The following CDK6 variants were observed in gnomAD, a reference collection of about 807,000 sequenced individuals.
CDK6 encodes the protein cyclin dependent kinase 6.
Under a neutral mutation model 37.1 loss-of-function variants are expected in CDK6, and 6 were observed. The ratio of observed to expected loss-of-function variants is 0.16; its 90% CI spans 0.09 to 0.32. CDK6 has a LOEUF of 0.32. Ranked by LOEUF, CDK6 falls within the 10% of genes least tolerant of loss-of-function variation. The pLI, the probability that CDK6 is intolerant of heterozygous loss-of-function variation, is 1.00. For synonymous variants in CDK6, 160 were observed against 161.3 expected (o/e 0.99, Z 0.06); for missense variants, 224 against 418.9 (o/e 0.53, Z 4.06).
At chr7:92,666,166 A>G (rs929902829) in intron 5 of CDK6, among the ~76,000 whole-genome samples, 1 of 152,240 alleles carries the variant, frequency 6.6e-6, no homozygotes, top group Non-Finnish European at 1.5e-5. Flanking sequence ...CGACCTCTAA[A>G]GAAGGTTAAT....
At chr7:92,722,913 A>G (rs55686222) in intron 4 of CDK6, among the ~76,000 whole-genome samples, 2,263 of 152,322 alleles carry the variant, frequency 0.015, 58 homozygotes, top group African/African-American at 0.052. Context: ...GGCTGGGCAC[A>G]GTGGCTTATG....
intron 7 of CDK6, 109 bp from the exon 8 acceptor site, chr7:92,615,395 G>T: frequency 1.2e-6 from 1 of 822,000 alleles, no homozygotes; most frequent in Non-Finnish European, 2.0e-6. Context: ...CATCTACAGT[G>T]GGAATGAGTA....
At chr7:92,640,310 C>T (rs890176087) in intron 5 of CDK6, among the ~76,000 whole-genome samples, 1 of 152,166 alleles carries the variant, frequency 6.6e-6, no homozygotes, top group Non-Finnish European at 1.5e-5. Context: ...ATGTTCAATG[C>T]TAGCCTATCA....
intron 3 of CDK6, among the ~76,000 whole-genome samples, chr7:92,771,361 C>A (rs188987370): frequency 6.7e-6 from 1 of 148,848 alleles, no homozygotes; most frequent in African/African-American, 2.5e-5. Context: ...ATAAAAATAT[C>A]TTAGATATGT....
chr7:92,780,869 T>A (rs1426699986), intron 2 of CDK6, among the ~76,000 whole-genome samples: 1 of 152,192 alleles, frequency 6.6e-6, no homozygotes, highest in East Asian at 1.9e-4. Flanking sequence ...ATTCCTTATA[T>A]TGACCAATAT....
chr7:92,736,819 A>T (rs752597086), intron 3 of CDK6, among the ~76,000 whole-genome samples: 1 of 152,226 alleles, frequency 6.6e-6, no homozygotes, highest in Non-Finnish European at 1.5e-5. Flanking sequence ...GGAGGCTATG[A>T]TACTATTCTG....
intron 3 of CDK6, among the ~76,000 whole-genome samples, chr7:92,751,142 T>C (rs1799179990): frequency 6.6e-6 from 1 of 152,180 alleles, no homozygotes; most frequent in Non-Finnish European, 1.5e-5. Flanking sequence ...CAACGTCATA[T>C]AAAAATTCCT....
In CDK6 at chr7:92,834,431, T is replaced by C. The variant is rs899115411; in HGVS notation, c.-367-741A>G. ...TGGGAGGACCTCCCTGGTGGAAACC[T>C]TGGGAAGACCAGCCATCTGGTCGGG... On this transcript the variant is annotated intron_variant, in intron 1 of 7. Transcript: ENST00000424848. The surrounding 1 kb of genome is among the most constrained non-coding windows in gnomAD (Gnocchi z 4.6). 3.3e-5 allele frequency among the ~76,000 whole-genome samples: 5 copies of C among 150,834 alleles called. No homozygotes were observed. The highest frequency in any genetic ancestry group is 7.4e-5 in the Non-Finnish European group (5 of 67,686).
chr7:92,658,578 TCTTTC>T (rs1562927220), intron 5 of CDK6, among the ~76,000 whole-genome samples: 4 of 142,638 alleles, frequency 2.8e-5, no homozygotes, highest in Non-Finnish European at 6.3e-5. Context: ...AAACTCTCTC[TCTTTC>T]TCTCTCTCTC....
At chr7:92,705,844 T>C (rs1232280604) in intron 4 of CDK6, among the ~76,000 whole-genome samples, 1 of 152,202 alleles carries the variant, frequency 6.6e-6, no homozygotes, top group Admixed American at 6.5e-5. Context: ...AATACAAATT[T>C]TCCAGAATTG....
chr7:92,618,416 T>C (rs1186142423), intron 6 of CDK6: 1 of 535,248 alleles, frequency 1.9e-6, no homozygotes, highest in Non-Finnish European at 3.3e-6. Context: ...CACAGAAGAA[T>C]TGTAAAATTC....
chr7:92,659,746 A>G (rs1307754754), intron 5 of CDK6, among the ~76,000 whole-genome samples: 1 of 152,150 alleles, frequency 6.6e-6, no homozygotes, highest in Admixed American at 6.5e-5. Context: ...CTCACATTTT[A>G]TACTTCCATA....
intron 3 of CDK6, among the ~76,000 whole-genome samples, chr7:92,769,949 G>C (rs990762069): frequency 1.3e-5 from 2 of 151,638 alleles, no homozygotes; most frequent in African/African-American, 4.8e-5. Context: ...TACTCTAAAA[G>C]AAAAAATAAC....
In CDK6 at chr7:92,678,411, A is replaced by T. The variant is rs142265165; in HGVS notation, c.538-6876T>A. ...AACAGCCTCTAGAGGTGCTGAATGG[A>T]TGTGGCAACAGGAGGGGGAGCGGAA... On this transcript the variant is annotated intron_variant, in intron 4 of 7. Transcript: ENST00000424848. Among the ~76,000 whole-genome samples the T allele has an allele frequency of 2.6e-5, 4 of 152,192 alleles. No individual in the cohort carries two copies. In the East Asian group the frequency reaches 5.8e-4, roughly 22 times the overall value.
rs552116244 is a variant in CDK6, at chr7:92,785,358, A to G, written c.234-10527T>C. 1.1e-3 allele frequency among the ~76,000 whole-genome samples: 165 copies of G among 152,202 alleles called. 1 individual carries two copies. The highest frequency in any genetic ancestry group is 3.4e-3 in the Middle Eastern group (1 of 294). ...GTAGATCTATAGAAATCGAAAGTGG[A>G]TTTGTGGTTGCCTGGGACAATGAGC... On this transcript the variant is annotated intron_variant, in intron 2 of 7. Coordinates refer to ENST00000424848, the MANE Select transcript of CDK6 (RefSeq NM_001145306.2).
chr7:92,655,651 C>T (rs1041329693), intron 5 of CDK6, among the ~76,000 whole-genome samples: 3 of 152,196 alleles, frequency 2.0e-5, no homozygotes, highest in African/African-American at 4.8e-5. Flanking sequence ...AGTATTGGAT[C>T]TCCTCCCAAG....
At chr7:92,654,170 A>C (rs999511888) in intron 5 of CDK6, among the ~76,000 whole-genome samples, 2 of 146,920 alleles carry the variant, frequency 1.4e-5, no homozygotes, top group African/African-American at 5.0e-5. Context: ...CTGTTTTCAC[A>C]TTTTAGAGTG....
At chr7:92,652,871 G>A (rs1796607335) in intron 5 of CDK6, among the ~76,000 whole-genome samples, 1 of 152,160 alleles carries the variant, frequency 6.6e-6, no homozygotes, top group African/African-American at 2.4e-5. Flanking sequence ...TCAGGTAAAT[G>A]CCCAATGGGT....
At chr7:92,712,678 C>T (rs1159462037) in intron 4 of CDK6, among the ~76,000 whole-genome samples, 1 of 152,188 alleles carries the variant, frequency 6.6e-6, no homozygotes, top group Non-Finnish European at 1.5e-5. Flanking sequence ...TGAGGTCACT[C>T]TTGAAAGCTT....
Sources: gnomAD v4.1 joint callset for allele counts (sites outside exome capture counted in the v4.1 genomes callset) on GRCh38, gnomAD v4.1.1 for gene constraint, Gnocchi (gnomAD v3.1) non-coding constraint, MANE v1.5 for transcripts, NCBI Gene and HGNC (gene_info 2026-07-23, HGNC 2026-07-21) for gene names.